IQCM: variants seen among roughly 807,000 people sequenced by gnomAD.
IQCM encodes the protein IQ domain-containing protein M.
A neutral mutation model predicts 57.6 loss-of-function variants in IQCM; 45 were observed. That is an observed-to-expected ratio of 0.78 (90% confidence interval 0.62 to 1.00). The LOEUF (loss-of-function observed/expected upper bound fraction) is 1.00, where lower values mean the gene tolerates loss of function less well. Ranked by LOEUF, IQCM falls within the 50% of genes least tolerant of loss-of-function variation. The pLI is 0.00. For synonymous variants in IQCM, 148 were observed against 158.9 expected (o/e 0.93, Z 0.51); for missense variants, 468 against 511.6 (o/e 0.91, Z 0.82).
At chr4:149,524,347 T>C (rs1745952944) in intron 12 of IQCM, among the ~76,000 whole-genome samples, 1 of 152,142 alleles carries the variant, frequency 6.6e-6, no homozygotes. Flanking sequence ...ACAGTACAGA[T>C]ATGTAAAATT....
intron 12 of IQCM, among the ~76,000 whole-genome samples, chr4:149,486,121 G>A (rs2149763961): frequency 6.7e-6 from 1 of 150,320 alleles, no homozygotes; most frequent in East Asian, 2.0e-4. Flanking sequence ...AAGCATCCCT[G>A]TGATCACTAC....
intron 13 of IQCM, among the ~76,000 whole-genome samples, chr4:149,370,873 T>A (rs569110520): frequency 5.9e-4 from 67 of 113,420 alleles, no homozygotes; most frequent in Non-Finnish European, 1.2e-3. Flanking sequence ...TGTGTATTTT[T>A]ATTTTGTTAA....
intron 12 of IQCM, among the ~76,000 whole-genome samples, chr4:149,470,881 C>T (rs572473658): frequency 3.3e-5 from 5 of 152,138 alleles, no homozygotes; most frequent in Admixed American, 6.5e-5. Context: ...GGTTACATAA[C>T]GAAATGAAGG....
At chr4:149,478,491 A>G (rs1029791276) in intron 12 of IQCM, among the ~76,000 whole-genome samples, 1 of 152,208 alleles carries the variant, frequency 6.6e-6, no homozygotes, top group African/African-American at 2.4e-5. Flanking sequence ...GAATGTCATG[A>G]TACATAATTA....
intron 7 of IQCM, among the ~76,000 whole-genome samples, chr4:149,650,894 C>T (rs920792232): frequency 2.6e-5 from 4 of 152,142 alleles, no homozygotes. Flanking sequence ...TTGGCATTTG[C>T]TTTAGTTCCT....
intron 13 of IQCM, among the ~76,000 whole-genome samples, chr4:149,404,999 A>T (rs1404942050): frequency 6.6e-6 from 1 of 152,116 alleles, no homozygotes; most frequent in Non-Finnish European, 1.5e-5. Context: ...AGAAGCAACA[A>T]TTCAGGAAAT....
chr4:149,470,147 C>T (rs1368483832), intron 12 of IQCM, among the ~76,000 whole-genome samples: 1 of 152,118 alleles, frequency 6.6e-6, no homozygotes, highest in Non-Finnish European at 1.5e-5. Flanking sequence ...TGTAAATGGG[C>T]TAAATGCTCC....
intron 13 of IQCM, among the ~76,000 whole-genome samples, chr4:149,398,863 T>C (rs1326816158): frequency 6.6e-6 from 1 of 151,916 alleles, no homozygotes; most frequent in Admixed American, 6.6e-5. Flanking sequence ...TACATCACCA[T>C]GCATGGCTAG....
chr4:149,460,476 T>TA (rs1478492448), intron 12 of IQCM, among the ~76,000 whole-genome samples: 1 of 152,200 alleles, frequency 6.6e-6, no homozygotes, highest in Admixed American at 6.5e-5. Context: ...TTTTTAGCTG[T>TA]ATAATGTCTA....
chr4:149,481,877 A>G (rs1010551040), intron 12 of IQCM, among the ~76,000 whole-genome samples: 8 of 150,642 alleles, frequency 5.3e-5, no homozygotes, highest in African/African-American at 2.0e-4. Flanking sequence ...GGACATTTTA[A>G]AAATAGTGAT....
chr4:149,372,332 T>A (rs1263578401), intron 13 of IQCM, among the ~76,000 whole-genome samples: 3 of 152,164 alleles, frequency 2.0e-5, no homozygotes, highest in African/African-American at 4.8e-5. Context: ...TACTGATAAG[T>A]TTTATGAACA....
chr4:149,375,097 T>A (rs949916872), intron 13 of IQCM, among the ~76,000 whole-genome samples: 1 of 151,980 alleles, frequency 6.6e-6, no homozygotes, highest in Non-Finnish European at 1.5e-5. Flanking sequence ...TAACTTCGTA[T>A]CAAAGAATAC....
chr4:149,457,977 G>T (rs1456534150), intron 12 of IQCM, among the ~76,000 whole-genome samples: 1 of 151,892 alleles, frequency 6.6e-6, no homozygotes, highest in African/African-American at 2.4e-5. Context: ...TGCGAGAGGG[G>T]TGATGCTTTG....
intron 8 of IQCM, 142 bp downstream of exon 8, chr4:149,620,987 G>C: frequency 2.5e-6 from 1 of 406,888 alleles, no homozygotes. Context: ...CAATGCTTCA[G>C]AAAAAATGAA....
At chr4:149,437,191 T>A (rs970243522) in intron 12 of IQCM, among the ~76,000 whole-genome samples, 1 of 152,110 alleles carries the variant, frequency 6.6e-6, no homozygotes, top group Admixed American at 6.6e-5. Context: ...AGCACTTCAA[T>A]AGTTACGAGT....
intron 7 of IQCM, among the ~76,000 whole-genome samples, chr4:149,638,992 C>G (rs1004717729): frequency 5.3e-5 from 8 of 152,066 alleles, no homozygotes; most frequent in African/African-American, 1.9e-4. Context: ...GCATTTACTT[C>G]TAGAGGTAGA....
chr4:149,414,409 G>A (rs530405522), intron 13 of IQCM, among the ~76,000 whole-genome samples: 234 of 152,166 alleles, frequency 1.5e-3, no homozygotes, highest in African/African-American at 5.4e-3. Flanking sequence ...AGAATGCTAA[G>A]GTCTGAATTT....
chr4:149,470,181 A>C lies in IQCM; in HGVS notation c.1229-36624T>G, dbSNP rs187916904. 2.1e-4 allele frequency among the ~76,000 whole-genome samples: 32 copies of C among 152,268 alleles called. No individual in the cohort carries two copies. The East Asian group carries it at 5.8e-3, about 28-fold the overall frequency. On this transcript the variant is annotated intron_variant, in intron 12 of 13. Transcript: ENST00000636793. ...CCAATTTAAAGACACAGACTGGCAAATTGGTTGAAGAGTCAAGACCCATCA... is the reference window on the plus strand; with the variant it reads ...CCAATTTAAAGACACAGACTGGCAACTTGGTTGAAGAGTCAAGACCCATCA...
At chr4:149,540,105 T>G (rs1747700978) in intron 12 of IQCM, among the ~76,000 whole-genome samples, 1 of 150,802 alleles carries the variant, frequency 6.6e-6, no homozygotes, top group Non-Finnish European at 1.5e-5. Context: ...ACGACAGGAG[T>G]CCCTATAAAA....
Sources: gnomAD v4.1 joint callset for allele counts (sites outside exome capture counted in the v4.1 genomes callset) on GRCh38, gnomAD v4.1.1 for gene constraint, MANE v1.5 for transcripts, NCBI Gene and HGNC (gene_info 2026-07-23, HGNC 2026-07-21) for gene names.